The following NKAIN2 variants were observed in gnomAD, a reference collection of about 807,000 sequenced individuals.
NKAIN2 encodes the protein sodium/potassium-transporting ATPase subunit beta-1-interacting protein 2.
NKAIN2 carries 14 observed loss-of-function variants against 32.6 expected under a neutral mutation model. The observed-to-expected ratio is 0.43, with a 90% confidence interval of 0.28 to 0.67. The LOEUF is 0.67. Ranked by LOEUF, NKAIN2 falls within the 30% of genes least tolerant of loss-of-function variation. NKAIN2 has a pLI of 0.17. For synonymous variants in NKAIN2, 80 were observed against 87.2 expected, an observed-to-expected ratio of 0.92 and a Z score of 0.46; for missense variants, 198 against 258.3, an observed-to-expected ratio of 0.77 and a Z score of 1.60.
intron 1 of NKAIN2, among the ~76,000 whole-genome samples, chr6:124,235,830 C>T (rs763452768): frequency 6.6e-6 from 1 of 152,022 alleles, no homozygotes; most frequent in African/African-American, 2.4e-5. Flanking sequence ...AACTCCTGAC[C>T]TCATGATCCG....
rs546817915 is a variant in NKAIN2, at chr6:123,961,461, G to A, written c.54+157207G>A. 3.9e-5 allele frequency among the ~76,000 whole-genome samples: 6 copies of A among 152,202 alleles called. No individual in the cohort carries two copies. In the East Asian group the frequency reaches 7.7e-4, roughly 20 times the overall value. Reference sequence around the variant, plus strand: ...TATTTTTCAGCATAATGCAGTTTCCGTTCTAGTCCACTCCACTTTTTGAAC... The same window carrying A: ...TATTTTTCAGCATAATGCAGTTTCCATTCTAGTCCACTCCACTTTTTGAAC... On this transcript the variant is annotated intron_variant, in intron 1 of 6. Transcript: ENST00000368417.
intron 3 of NKAIN2, among the ~76,000 whole-genome samples, chr6:124,528,762 A>G (rs145508925): frequency 8.6e-4 from 131 of 152,332 alleles, no homozygotes; most frequent in African/African-American, 3.1e-3. Context: ...TATTACTTAA[A>G]CAAGTGAAAA....
intron 1 of NKAIN2, among the ~76,000 whole-genome samples, chr6:124,261,598 C>T (rs181958755): frequency 1.1e-4 from 16 of 152,222 alleles, no homozygotes; most frequent in Admixed American, 1.3e-4. Context: ...TGGTACATGA[C>T]GCCCGTAATC....
At chr6:124,298,902 T>G (rs967350819) in intron 2 of NKAIN2, among the ~76,000 whole-genome samples, 3 of 152,248 alleles carry the variant, frequency 2.0e-5, no homozygotes, top group African/African-American at 7.2e-5. Context: ...GGGCTAATGA[T>G]GTATCAAGGA....
At chr6:124,515,077 T>A (rs1001387758) in intron 3 of NKAIN2, among the ~76,000 whole-genome samples, 2 of 152,162 alleles carry the variant, frequency 1.3e-5, no homozygotes, top group Non-Finnish European at 2.9e-5. Context: ...AAATAATGAC[T>A]GAGTAGCACA....
chr6:123,858,322 G>A (rs1232447442), intron 1 of NKAIN2, among the ~76,000 whole-genome samples: 2 of 151,984 alleles, frequency 1.3e-5, no homozygotes, highest in Non-Finnish European at 2.9e-5. Flanking sequence ...CGTCATGTTA[G>A]TCAGGCTGGT....
intron 1 of NKAIN2, among the ~76,000 whole-genome samples, chr6:124,075,602 T>A (rs1783661560): frequency 6.6e-6 from 1 of 152,132 alleles, no homozygotes; most frequent in South Asian, 2.1e-4. Context: ...TATTTATTTA[T>A]TTATTTATTT....
At chr6:124,655,126 A>G (rs185470159) in intron 3 of NKAIN2, among the ~76,000 whole-genome samples, 1 of 152,186 alleles carries the variant, frequency 6.6e-6, no homozygotes, top group African/African-American at 2.4e-5. Context: ...TTTTATATGA[A>G]ATATTTATAT....
chr6:124,720,485 C>T (rs560037275), intron 4 of NKAIN2, among the ~76,000 whole-genome samples: 13 of 152,110 alleles, frequency 8.5e-5, no homozygotes, highest in Non-Finnish European at 1.9e-4. Flanking sequence ...CAGAAATAGG[C>T]TTATTTGACA....
chr6:124,078,454 T>C (rs1407678364), intron 1 of NKAIN2, among the ~76,000 whole-genome samples: 2 of 152,166 alleles, frequency 1.3e-5, no homozygotes, highest in East Asian at 3.9e-4. Context: ...ATGGATGCTA[T>C]TATTGAGCTC....
chr6:124,139,269 T>A (rs1483708841), intron 1 of NKAIN2, among the ~76,000 whole-genome samples: 2 of 148,964 alleles, frequency 1.3e-5, no homozygotes, highest in Non-Finnish European at 3.0e-5. Flanking sequence ...TTTGTATTTT[T>A]AGTAGAGACG....
chr6:123,812,419 A>G (rs947077134), intron 1 of NKAIN2, among the ~76,000 whole-genome samples: 1 of 152,200 alleles, frequency 6.6e-6, no homozygotes, highest in African/African-American at 2.4e-5. Context: ...AAAACAAATG[A>G]ATAGAAACTT....
At chr6:123,950,260 T>C (rs1243493926) in intron 1 of NKAIN2, among the ~76,000 whole-genome samples, 2 of 151,968 alleles carry the variant, frequency 1.3e-5, no homozygotes, top group East Asian at 1.9e-4. Flanking sequence ...AATTTGTGTG[T>C]GTGTGCGTGT....
chr6:124,281,104 T>C (rs1795271766), intron 1 of NKAIN2, among the ~76,000 whole-genome samples: 2 of 152,184 alleles, frequency 1.3e-5, no homozygotes, highest in East Asian at 3.9e-4. Context: ...TATTGAGATA[T>C]TTCCCACTGT....
intron 3 of NKAIN2, among the ~76,000 whole-genome samples, chr6:124,399,450 A>G (rs2114450326): frequency 6.6e-6 from 1 of 152,298 alleles, no homozygotes; most frequent in African/African-American, 2.4e-5. Flanking sequence ...ACATTAAGAA[A>G]TAAGAGTTTG....
intron 4 of NKAIN2, among the ~76,000 whole-genome samples, chr6:124,680,688 G>A (rs1037530403): frequency 4.6e-5 from 7 of 151,930 alleles, no homozygotes; most frequent in African/African-American, 1.7e-4. Flanking sequence ...GACAGCCCAG[G>A]ATTTTTTCTT....
chr6:124,054,251 G>A (rs1019553323), intron 1 of NKAIN2, among the ~76,000 whole-genome samples: 4 of 152,006 alleles, frequency 2.6e-5, no homozygotes, highest in African/African-American at 9.7e-5. Context: ...GGGAGATCAA[G>A]TAATGAGTTT....
chr6:124,022,576 G>A (rs1780914549), intron 1 of NKAIN2, among the ~76,000 whole-genome samples: 1 of 152,088 alleles, frequency 6.6e-6, no homozygotes, highest in South Asian at 2.1e-4. Context: ...CAATTCTAAT[G>A]TGTCCAGACA....
At chr6:124,130,614 T>C (rs954516316) in intron 1 of NKAIN2, among the ~76,000 whole-genome samples, 3 of 18,016 alleles carry the variant, frequency 1.7e-4, no homozygotes, top group Admixed American at 5.2e-4. Context: ...TTGCCCTTAT[T>C]TTTTTTTTTT....
Sources: gnomAD v4.1 joint callset for allele counts (sites outside exome capture counted in the v4.1 genomes callset) on GRCh38, gnomAD v4.1.1 for gene constraint, MANE v1.5 for transcripts, NCBI Gene and HGNC (gene_info 2026-07-23, HGNC 2026-07-21) for gene names.